The following PREX1 variants were observed in gnomAD, a reference collection of about 807,000 sequenced individuals.
PREX1 encodes phosphatidylinositol-3,4,5-trisphosphate dependent Rac exchange factor 1.
PREX1 carries 41 observed loss-of-function variants against 198.3 expected under a neutral mutation model. The observed-to-expected ratio is 0.21, with a 90% confidence interval of 0.16 to 0.27. The LOEUF is 0.27. Ranked by LOEUF, PREX1 falls within the 10% of genes least tolerant of loss-of-function variation. The pLI is 1.00. For missense variants in PREX1, 1,620 were observed against 2,200.7 expected, an observed-to-expected ratio of 0.74 and a Z score of 5.28; for synonymous variants, 843 against 887.2, an observed-to-expected ratio of 0.95 and a Z score of 0.89.
At position 48,807,451 on chromosome 20, in the gene PREX1, G is replaced by A. The variant is rs150101216; in HGVS notation, c.219+20191C>T. 2.0e-3 allele frequency among the ~76,000 whole-genome samples: 301 copies of A among 152,226 alleles called. 5 individuals carry two copies. The highest frequency in any genetic ancestry group is 7.0e-3 in the African/African-American group (292 of 41,522). The stretch of plus-strand genomic sequence containing the variant: ...ACAGCTGTCCGTTACCCCAACATGT[G>A]GATCAACAACCATCCTAATGAGACT... On this transcript the variant is annotated intron_variant, in intron 1 of 39. Transcript: ENST00000371941.
chr20:48,834,996 A>T, the PREX1 span, among the ~76,000 whole-genome samples: 2 of 151,898 alleles, frequency 1.3e-5, no homozygotes, highest in Admixed American at 1.3e-4. Flanking sequence ...ACCTCAGCTG[A>T]CACCAGCCTC....
Position 48,702,785 on chromosome 20 carries a change from G to A in PREX1, c.784-1899C>T, listed in dbSNP as rs529226675. Among the ~76,000 whole-genome samples, 9 of 152,346 alleles carry A rather than the reference G, an allele frequency of 5.9e-5. No homozygotes were observed. In the East Asian group the frequency reaches 1.7e-3, roughly 29 times the overall value. On this transcript the variant is annotated intron_variant, in intron 6 of 39. Transcript: ENST00000371941. ...AACGCTAATGAGCCACCTCCCTGAG[G>A]CCGCTGCATCGCTTCCTTACAGCAG...
chr20:48,785,067 C>T (rs770298287), intron 1 of PREX1, among the ~76,000 whole-genome samples: 2 of 152,114 alleles, frequency 1.3e-5, no homozygotes, highest in Non-Finnish European at 2.9e-5. Context: ...GCACCTGCCA[C>T]CACACCCACC....
At position 48,691,191 on chromosome 20, in the gene PREX1, G is replaced by A; in HGVS notation, c.1037-95C>T. Reference sequence around the variant, plus strand: ...AGCCCTTCCGCCCCAGCACAGGCAGGGCCCTCGCCTGGATCAGGATGGGGA... The same window carrying A: ...AGCCCTTCCGCCCCAGCACAGGCAGAGCCCTCGCCTGGATCAGGATGGGGA... On this transcript the variant is annotated intron_variant, in intron 8 of 39. Coordinates refer to ENST00000371941, the MANE Select transcript of PREX1 (RefSeq NM_020820.4). The surrounding 1 kb of genome is among the most constrained non-coding windows in gnomAD (Gnocchi z 5.0). The A allele has an allele frequency of 6.6e-7, 1 of 1,509,744 alleles. No homozygotes were observed. The highest frequency in any genetic ancestry group is 9.1e-7 in the Non-Finnish European group (1 of 1,095,184). 93.5% of individuals were successfully genotyped at this position (1,509,744 alleles called of 1,614,324 possible).
At position 48,642,546 on chromosome 20, in the gene PREX1, C is replaced by T. The variant is rs1410429838; in HGVS notation, c.3602-57G>A. 2.8e-6 allele frequency: 4 copies of T among 1,452,026 alleles called. No individual in the cohort carries two copies. The African/African-American group carries it at 4.2e-5, about 15-fold the overall frequency. The allele number at this position is 1,452,026 out of a possible 1,614,324, so 89.9% of individuals were successfully genotyped here. On this transcript the variant is annotated intron_variant, in intron 27 of 39. Transcript: ENST00000371941. The stretch of plus-strand genomic sequence containing the variant: ...CATTCCTGCCCCACCTCACACCATC[C>T]CCAGCACTTTCCTAAGAGGGGGATA...
the PREX1 span, among the ~76,000 whole-genome samples, chr20:48,862,790 A>AAAAAAAAT: frequency 3.2e-3 from 327 of 102,532 alleles, 4 homozygotes; most frequent in African/African-American, 0.012. Flanking sequence ...TAAAAAAAAA[A>AAAAAAAAT]ATATATATAT....
chr20:48,883,905 C>T, the PREX1 span, among the ~76,000 whole-genome samples: 1 of 152,058 alleles, frequency 6.6e-6, no homozygotes, highest in Non-Finnish European at 1.5e-5. Flanking sequence ...CTTTGGGGGG[C>T]TGAGGTGGGC....
intron 3 of PREX1, among the ~76,000 whole-genome samples, chr20:48,738,165 C>G (rs1377415916): frequency 6.6e-6 from 1 of 152,108 alleles, no homozygotes; most frequent in East Asian, 1.9e-4. Flanking sequence ...ACATACCAAC[C>G]CCAGTCACTG....
intron 37 of PREX1, 25 bp from the exon 38 acceptor site, chr20:48,627,988 G>C (rs775401141): frequency 1.3e-6 from 2 of 1,510,368 alleles, no homozygotes; most frequent in Admixed American, 3.5e-5. Context: ...GGAGGACAGC[G>C]GGTTGGCGGT....
At chr20:48,693,598 T>G (rs929284262) in intron 7 of PREX1, among the ~76,000 whole-genome samples, 3 of 152,178 alleles carry the variant, frequency 2.0e-5, no homozygotes, top group Admixed American at 2.0e-4. Flanking sequence ...TTACTTATTT[T>G]ATTTTATTAA....
intron 1 of PREX1, among the ~76,000 whole-genome samples, chr20:48,788,511 A>G (rs1160627217): frequency 6.6e-6 from 1 of 151,986 alleles, no homozygotes; most frequent in African/African-American, 2.4e-5. Context: ...CTCATCCCCC[A>G]CCTGAGGCAC....
At chr20:48,799,390 C>T (rs1316332062) in intron 1 of PREX1, among the ~76,000 whole-genome samples, 1 of 152,090 alleles carries the variant, frequency 6.6e-6, no homozygotes. Flanking sequence ...GGAAAACGTT[C>T]GAAACATCCC....
the PREX1 span, among the ~76,000 whole-genome samples, chr20:48,884,550 T>C: frequency 6.6e-6 from 1 of 152,198 alleles, no homozygotes; most frequent in Non-Finnish European, 1.5e-5. Context: ...GAACTAAAAC[T>C]ATAAACTTCT....
At position 48,655,352 on chromosome 20, in the gene PREX1, G is replaced by A. The variant is rs775874146; in HGVS notation, c.2147C>T (p.Pro716Leu). The change falls in exon 19 of 40, where the codon CCG (proline) becomes CTG (leucine). Residue 716 changes from proline (P) to leucine (L), a missense_variant. Coordinates refer to ENST00000371941, the MANE Select transcript of PREX1 (RefSeq NM_020820.4). ...AKEIIKIPDQ[P>L]DTLCFQIRGA... ...ACGAATCTGGAAGCACAGTGTGTCC[G>A]GCTGGTCGGGGATTTTGATGATCCT... is the stretch of plus-strand genomic sequence containing the variant. The A allele has an allele frequency of 2.6e-5, 42 of 1,591,884 alleles. 1 individual carries two copies. The highest frequency in any genetic ancestry group is 2.0e-4 in the South Asian group (18 of 87,824).
At chr20:48,809,130 T>C (rs1276349034) in intron 1 of PREX1, among the ~76,000 whole-genome samples, 1 of 152,146 alleles carries the variant, frequency 6.6e-6, no homozygotes, top group East Asian at 1.9e-4. Context: ...CTCACACATG[T>C]GGGCACCAGT....
At chr20:48,792,970 C>T (rs1211506876) in intron 1 of PREX1, among the ~76,000 whole-genome samples, 1 of 152,028 alleles carries the variant, frequency 6.6e-6, no homozygotes, top group Admixed American at 6.5e-5. Context: ...CTTTGAGAGG[C>T]AAGTTGGGTG....
chr20:48,696,069 C>G (rs1018247685), intron 7 of PREX1, among the ~76,000 whole-genome samples: 1 of 152,336 alleles, frequency 6.6e-6, no homozygotes, highest in African/African-American at 2.4e-5. Context: ...TCTTTTCACT[C>G]TCCTTACAGT....
chr20:48,872,699 T>A, the PREX1 span, among the ~76,000 whole-genome samples: 1 of 152,134 alleles, frequency 6.6e-6, no homozygotes, highest in Non-Finnish European at 1.5e-5. Context: ...TGAGCCGAGA[T>A]CGTGTCATTG....
chr20:48,711,822 G>A (rs2089932716), intron 5 of PREX1, among the ~76,000 whole-genome samples: 2 of 152,232 alleles, frequency 1.3e-5, no homozygotes, highest in East Asian at 1.9e-4. Context: ...CTGGACACAA[G>A]GTTCTCATGG....
Sources: allele counts gnomAD v4.1 joint callset (sites outside exome capture counted in the v4.1 genomes callset), GRCh38; gene constraint gnomAD v4.1.1; non-coding constraint Gnocchi (gnomAD v3.1); transcripts MANE v1.5; gene names NCBI Gene and HGNC (gene_info 2026-07-23, HGNC 2026-07-21).